BLZF1: variants seen among roughly 807,000 people sequenced by gnomAD.
BLZF1 encodes the protein basic leucine zipper nuclear factor 1, also known as golgin-45.
A neutral mutation model predicts 43.8 loss-of-function variants in BLZF1; 39 were observed. That is an observed-to-expected ratio of 0.89 (90% CI 0.69 to 1.16). The LOEUF (loss-of-function observed/expected upper bound fraction) is 1.16. BLZF1 is among the 50% of genes most tolerant of loss of function. The probability of loss-of-function intolerance (pLI) is 0.00; values close to 1 mark genes in which losing one functional copy is unlikely to be tolerated. For missense variants in BLZF1, 449 were observed against 469.8 expected (o/e 0.96, Z 0.41); for synonymous variants, 136 against 159.4 (o/e 0.85, Z 1.11).
chr1:169,375,333 T>C (rs886177501), intron 2 of BLZF1, among the ~76,000 whole-genome samples: 51 of 129,532 alleles, frequency 3.9e-4, no homozygotes, highest in African/African-American at 7.9e-4. Context: ...CACACACACA[T>C]ATATATATAA....
At chr1:169,379,506 G>A (rs77324731) in intron 4 of BLZF1, among the ~76,000 whole-genome samples, 15 of 151,986 alleles carry the variant, frequency 9.9e-5, no homozygotes, top group African/African-American at 3.4e-4. Flanking sequence ...TGAATATATT[G>A]TACAAATTTT....
intron 2 of BLZF1, among the ~76,000 whole-genome samples, chr1:169,374,652 A>G (rs72702179): frequency 0.12 from 18,279 of 152,106 alleles, 1,154 homozygotes; most frequent in Admixed American, 0.14. Flanking sequence ...ACATGGGAAA[A>G]ATTTGAAAAA....
At chr1:169,396,190 T>A (rs1301355552) in exon 8 of BLZF1, 1 of 152,224 alleles carries the variant, frequency 6.6e-6, no homozygotes, top group African/African-American at 2.4e-5. Flanking sequence ...GATGAAAATG[T>A]AACTTGAAAC....
At chr1:169,380,654 A>AG in intron 5 of BLZF1, 45 bp downstream of exon 5, 1 of 1,596,864 alleles carries the variant, frequency 6.3e-7, no homozygotes, top group Non-Finnish European at 8.6e-7. Context: ...TTTCTCCTGC[A>AG]AATTAAGTTA....
At chr1:169,380,712 T>C in intron 5 of BLZF1, 103 bp downstream of exon 5, 1 of 1,332,238 alleles carries the variant, frequency 7.5e-7, no homozygotes, top group Non-Finnish European at 1.0e-6. Flanking sequence ...TGGGTGTGTC[T>C]ACATTTGATA....
intron 7 of BLZF1, chr1:169,394,925 A>C: frequency 1.1e-6 from 1 of 892,128 alleles, no homozygotes; most frequent in East Asian, 2.9e-5. Context: ...AAACAAATTC[A>C]CTGTCAATAA....
In BLZF1 at chr1:169,380,537, A is replaced by T. The variant is rs769129174; in HGVS notation, c.725A>T (p.Asp242Val). 6 of 1,612,900 alleles carry T rather than the reference A, an allele frequency of 3.7e-6. No homozygotes were observed. Among genetic ancestry groups the T allele is most frequent in the Non-Finnish European group, 5.1e-6 (6 of 1,179,090 alleles). Residue 242 changes from aspartate to valine, a missense_variant, in exon 5 of 7, where the codon GAT becomes GTT. Asp to Val is a radical substitution (Grantham distance 152). Coordinates refer to ENST00000367808, the MANE Select transcript of BLZF1 (RefSeq NM_001320973.2). Reference sequence around the variant, plus strand: ...GCAGCTTTACAGCGTCAAAACCGTGATGCACACGGGGCTATACAAGATCTC... The same window carrying T: ...GCAGCTTTACAGCGTCAAAACCGTGTTGCACACGGGGCTATACAAGATCTC... ...SRAALQRQNR[D>V]AHGAIQDLLS...
intron 4 of BLZF1, 135 bp downstream of exon 4, chr1:169,378,664 ACTCT>A (rs977082406): frequency 1.4e-6 from 1 of 736,954 alleles, no homozygotes; most frequent in Non-Finnish European, 2.2e-6. Context: ...TAAGATGTGG[ACTCT>A]CTCTCCTCTG....
At chr1:169,372,330 G>A (rs1654150702) in intron 2 of BLZF1, among the ~76,000 whole-genome samples, 1 of 152,060 alleles carries the variant, frequency 6.6e-6, no homozygotes, top group Non-Finnish European at 1.5e-5. Flanking sequence ...AGGAATTAAT[G>A]ATTTAGGGTA....
At chr1:169,378,925 A>G (rs893921346) in intron 4 of BLZF1, among the ~76,000 whole-genome samples, 1 of 151,990 alleles carries the variant, frequency 6.6e-6, no homozygotes, top group Non-Finnish European at 1.5e-5. Flanking sequence ...TTTTAACTAT[A>G]TAATAAAGCT....
intron 5 of BLZF1, among the ~76,000 whole-genome samples, chr1:169,381,020 A>G (rs900244598): frequency 2.6e-5 from 4 of 152,210 alleles, no homozygotes; most frequent in East Asian, 1.9e-4. Flanking sequence ...ATCAAAATTG[A>G]TGGTCTTCCT....
At chr1:169,390,443 A>G (rs945040229), downstream of BLZF1, among the ~76,000 whole-genome samples, 9 of 152,176 alleles carry the variant, frequency 5.9e-5, no homozygotes, top group Non-Finnish European at 1.3e-4. Flanking sequence ...AGCCATACTG[A>G]CTAAGAAAAA....
chr1:169,380,085 T>C (rs12027242), intron 4 of BLZF1, among the ~76,000 whole-genome samples: 1 of 151,034 alleles, frequency 6.6e-6, no homozygotes, highest in Non-Finnish European at 1.5e-5. Context: ...TTAATATTTT[T>C]CTGGGGGCAA....
intron 2 of BLZF1, among the ~76,000 whole-genome samples, chr1:169,373,638 G>A (rs1295961167): frequency 6.6e-6 from 1 of 152,152 alleles, no homozygotes; most frequent in East Asian, 1.9e-4. Context: ...GCTTGAGTAA[G>A]TAGAACAGTT....
At chr1:169,376,488 T>C in intron 2 of BLZF1, 52 bp from the exon 3 acceptor site, 1 of 1,498,128 alleles carries the variant, frequency 6.7e-7, no homozygotes, top group South Asian at 1.3e-5. Context: ...ATTAGCATTT[T>C]CTTGGCATTT....
At chr1:169,383,532 A>G (rs1192800428) in intron 6 of BLZF1, among the ~76,000 whole-genome samples, 1 of 152,134 alleles carries the variant, frequency 6.6e-6, no homozygotes, top group Admixed American at 6.5e-5. Context: ...AACACCATCC[A>G]TTCCTCAATT....
rs148310730 is a variant in BLZF1, at chr1:169,380,573, G to A, written c.761G>A (p.Arg254Gln). Residue 254 changes from arginine to glutamine, a missense_variant, in exon 5 of 7, where the codon CGG (arginine) becomes CAG (glutamine). Physicochemically the swap from Arg to Gln is conservative, Grantham distance 43. Coordinates refer to ENST00000367808, the MANE Select transcript of BLZF1 (RefSeq NM_001320973.2). ...GCTATACAAGATCTCCTAAGTGAAC[G>A]GGAACAGTTTCGTCAAGAAATGATA... ...HGAIQDLLSE[R>Q]EQFRQEMIAT... is the part of the protein sequence containing the mutation. The A allele has an allele frequency of 1.4e-3, 2,257 of 1,612,730 alleles. 3 individuals carry two copies. The highest frequency in any genetic ancestry group is 1.6e-3 in the Non-Finnish European group (1,943 of 1,179,064).
At chr1:169,389,675 C>A (rs892503298), downstream of BLZF1, among the ~76,000 whole-genome samples, 30 of 152,168 alleles carry the variant, frequency 2.0e-4, no homozygotes, top group African/African-American at 6.8e-4. Flanking sequence ...CTGCATTATT[C>A]ACAATAGCCA....
Position 169,380,574 on chromosome 1 carries a change from G to A in BLZF1, c.762G>A (p.Arg254=), listed in dbSNP as rs544635266. 41 of 1,612,744 alleles carry A rather than the reference G, an allele frequency of 2.5e-5. 1 individual carries two copies. In the South Asian group the frequency reaches 4.3e-4, roughly 17 times the overall value. The change falls in exon 5 of 7, where the codon CGG becomes CGA. Residue 254 remains arginine (R), a synonymous_variant. Transcript: ENST00000367808. The stretch of plus-strand genomic sequence containing the variant: ...CTATACAAGATCTCCTAAGTGAACG[G>A]GAACAGTTTCGTCAAGAAATGATAG... The part of the protein sequence containing the change: ...HGAIQDLLSE[R]EQFRQEMIAT...
Sources: gnomAD v4.1 joint callset for allele counts (sites outside exome capture counted in the v4.1 genomes callset) on GRCh38, gnomAD v4.1.1 for gene constraint, MANE v1.5 for transcripts, NCBI Gene and HGNC (gene_info 2026-07-23, HGNC 2026-07-21) for gene names.